SYTL5: variants seen among roughly 807,000 people sequenced by gnomAD.
The protein encoded by SYTL5 is synaptotagmin-like protein 5.
A neutral mutation model predicts 55.9 loss-of-function variants in SYTL5; 34 were observed. The ratio of observed to expected loss-of-function variants is 0.61; its 90% confidence interval spans 0.46 to 0.81. SYTL5 has a LOEUF of 0.81. Among genes scored for constraint, SYTL5 ranks in the 30% least tolerant of loss-of-function variants. The pLI is 0.00. For missense variants in SYTL5, 637 were observed against 546.7 expected (o/e 1.17, Z -1.65); for synonymous variants, 221 against 188.7 (o/e 1.17, Z -1.40).
In SYTL5 at chrX:38,016,762, G is replaced by A. The variant is rs542009624; in HGVS notation, c.-357+10094G>A. On this transcript the variant is annotated intron_variant, in intron 1 of 16. Coordinates refer to ENST00000297875, the MANE Select transcript of SYTL5 (RefSeq NM_138780.3). ...TTTATCTTCTTACACTCACCTTCAA[G>A]CTACTTACATTAAGGTGTTTGTTCA... Among the ~76,000 whole-genome samples the A allele has an allele frequency of 1.2e-4, 13 of 112,152 alleles. No homozygotes were observed. The South Asian group carries it at 4.8e-3, about 42-fold the overall frequency.
chrX:37,917,276 C>T, the SYTL5 span, among the ~76,000 whole-genome samples: 1 of 111,875 alleles, frequency 8.9e-6, no homozygotes, highest in Non-Finnish European at 1.9e-5. Flanking sequence ...TTATGTTCCA[C>T]CTCCTTGAAG....
the SYTL5 span, among the ~76,000 whole-genome samples, chrX:37,973,238 G>A: frequency 9.0e-6 from 1 of 111,373 alleles, no homozygotes; most frequent in African/African-American, 3.3e-5. Flanking sequence ...AAGCTCATCT[G>A]ATGAGAATTT....
chrX:37,973,153 A>G, the SYTL5 span, among the ~76,000 whole-genome samples: 2,166 of 101,560 alleles, frequency 0.021, 18 homozygotes, highest in Non-Finnish European at 0.032. Context: ...TTGGGGTTAA[A>G]TATTTTTTTC....
intron 12 of SYTL5, among the ~76,000 whole-genome samples, chrX:38,110,001 A>G (rs1382382357): frequency 9.0e-6 from 1 of 111,052 alleles, no homozygotes; most frequent in Admixed American, 9.6e-5. Flanking sequence ...AAAAATAATT[A>G]AGGAAAATGA....
chrX:38,118,215 G>A (rs1310183646), intron 13 of SYTL5, among the ~76,000 whole-genome samples: 1 of 111,619 alleles, frequency 9.0e-6, no homozygotes, highest in East Asian at 2.8e-4. Flanking sequence ...CGGGTAAGAA[G>A]GTTGAATAAA....
intron 6 of SYTL5, among the ~76,000 whole-genome samples, chrX:38,078,330 G>A (rs892845796): frequency 1.7e-4 from 18 of 108,266 alleles, no homozygotes; most frequent in Non-Finnish European, 2.7e-4. Flanking sequence ...GTGCAATCTC[G>A]GCTCACTGCA....
intron 3 of SYTL5, among the ~76,000 whole-genome samples, chrX:38,069,844 C>A (rs2144995): frequency 0.23 from 25,203 of 111,197 alleles, 2,506 homozygotes; most frequent in African/African-American, 0.37. Context: ...CCTGGATTTC[C>A]AACACTGTGA....
chrX:37,997,961 G>A, the SYTL5 span, among the ~76,000 whole-genome samples: 1 of 112,326 alleles, frequency 8.9e-6, no homozygotes, highest in East Asian at 2.8e-4. Flanking sequence ...GCTGCAGAGA[G>A]GAGCTAGCCA....
chrX:38,089,095 T>C (rs1936731593), intron 6 of SYTL5, among the ~76,000 whole-genome samples: 1 of 111,541 alleles, frequency 9.0e-6, no homozygotes, highest in African/African-American at 3.3e-5. Flanking sequence ...GCATAACAAG[T>C]GGAGACAAGG....
chrX:37,902,496 T>C, the SYTL5 span, among the ~76,000 whole-genome samples: 6 of 112,383 alleles, frequency 5.3e-5, no homozygotes, highest in Non-Finnish European at 9.4e-5. Context: ...CTGCCTTAAC[T>C]CTTATGCCTT....
intron 1 of SYTL5, among the ~76,000 whole-genome samples, chrX:38,017,242 G>C (rs1052670248): frequency 1.8e-5 from 2 of 111,853 alleles, no homozygotes; most frequent in Non-Finnish European, 3.8e-5. Context: ...ATTAGATTAT[G>C]CACCAAAATA....
At chrX:38,028,311 C>G (rs1339117291) in intron 1 of SYTL5, among the ~76,000 whole-genome samples, 6 of 112,464 alleles carry the variant, frequency 5.3e-5, no homozygotes, top group Admixed American at 9.4e-5. Context: ...GAAAATGCAT[C>G]ATTCCAGTCA....
At chrX:38,074,443 G>T (rs950614222) in intron 5 of SYTL5, among the ~76,000 whole-genome samples, 1 of 111,027 alleles carries the variant, frequency 9.0e-6, no homozygotes, top group Non-Finnish European at 1.9e-5. Context: ...TTGAGATGGG[G>T]TCTCATTATG....
chrX:38,055,752 T>TA (rs1457713864), intron 3 of SYTL5, among the ~76,000 whole-genome samples: 1 of 112,191 alleles, frequency 8.9e-6, no homozygotes, highest in Non-Finnish European at 1.9e-5. Context: ...ATGTTCCCTG[T>TA]ACTGTTTCAC....
chrX:38,045,321 T>C (rs1232426885), intron 2 of SYTL5, among the ~76,000 whole-genome samples: 1 of 112,650 alleles, frequency 8.9e-6, no homozygotes, highest in Non-Finnish European at 1.9e-5. Flanking sequence ...GGAAAATCTG[T>C]AATAAGTCAT....
chrX:37,890,409 C>CT, the SYTL5 span, among the ~76,000 whole-genome samples: 1 of 111,865 alleles, frequency 8.9e-6, no homozygotes, highest in East Asian at 2.8e-4. Flanking sequence ...AGACATATAG[C>CT]TTAGAAGGTA....
intron 10 of SYTL5, among the ~76,000 whole-genome samples, chrX:38,103,415 A>G (rs963444911): frequency 2.7e-5 from 3 of 111,434 alleles, no homozygotes; most frequent in African/African-American, 9.8e-5. Context: ...TAAAATTGCC[A>G]TAGGTGTCTT....
At chrX:38,067,245 C>T (rs1169628725) in intron 3 of SYTL5, among the ~76,000 whole-genome samples, 1 of 111,377 alleles carries the variant, frequency 9.0e-6, no homozygotes, top group Non-Finnish European at 1.9e-5. Context: ...GTGTTGGCAG[C>T]TCTAAGCATG....
intron 6 of SYTL5, among the ~76,000 whole-genome samples, chrX:38,079,541 G>T (rs1936474267): frequency 8.9e-6 from 1 of 112,284 alleles, no homozygotes. Flanking sequence ...CTACAAAGTT[G>T]TGATGAGCTG....
Sources: allele counts gnomAD v4.1 joint callset (sites outside exome capture counted in the v4.1 genomes callset), GRCh38; gene constraint gnomAD v4.1.1; transcripts MANE v1.5; gene names NCBI Gene and HGNC (gene_info 2026-07-23, HGNC 2026-07-21).